The following GRM5 variants were observed in gnomAD, a reference collection of about 807,000 sequenced individuals.
GRM5 encodes metabotropic glutamate receptor 5.
A neutral mutation model predicts 83.1 loss-of-function variants in GRM5; 19 were observed. The ratio of observed to expected loss-of-function variants is 0.23; its 90% CI spans 0.16 to 0.34. GRM5 has a LOEUF of 0.34. GRM5 is among the 10% of genes least tolerant of loss of function. The pLI, the probability that GRM5 is intolerant of heterozygous loss-of-function variation, is 1.00. For missense variants in GRM5, 1,160 were observed against 1,588.3 expected (o/e 0.73, Z 4.58); for synonymous variants, 675 against 633.6 (o/e 1.07, Z -0.98).
At chr11:88,578,983 A>G (rs1190477571) in intron 7 of GRM5, among the ~76,000 whole-genome samples, 1 of 152,162 alleles carries the variant, frequency 6.6e-6, no homozygotes, top group Non-Finnish European at 1.5e-5. Context: ...CTAGTTTTAC[A>G]GAAAGATGAA....
chr11:88,948,395 G>A (rs966733756), intron 2 of GRM5, among the ~76,000 whole-genome samples: 1 of 152,108 alleles, frequency 6.6e-6, no homozygotes, highest in Non-Finnish European at 1.5e-5. Flanking sequence ...GCTCAAGGAT[G>A]GCATGCTGCT....
In GRM5 at chr11:89,047,952, T is replaced by C. The variant is rs200742114; in HGVS notation, c.-80A>G. ...GGTTCTGATAGCTACGAACAAGCGA[T>C]GTCCTACGTTGAGTCGCAAATCAAG... On this transcript the variant is annotated 5_prime_UTR_variant, in exon 2 of 10. Coordinates refer to ENST00000305447, the MANE Select transcript of GRM5 (RefSeq NM_001143831.3). This position sits in a 1 kb window ranked among gnomAD's most constrained non-coding sequence, Gnocchi z 5.1. The C allele has an allele frequency of 5.1e-5, 51 of 995,042 alleles. No individual in the cohort carries two copies. Among genetic ancestry groups the C allele is most frequent in the Non-Finnish European group, 7.5e-5 (49 of 656,624 alleles). The allele number at this position is 995,042 out of a possible 1,614,324, so 61.6% of individuals were successfully genotyped here.
chr11:88,812,725 A>G (rs1943608629), intron 3 of GRM5, among the ~76,000 whole-genome samples: 1 of 152,168 alleles, frequency 6.6e-6, no homozygotes, highest in African/African-American at 2.4e-5. Context: ...ATCATAAAAG[A>G]CGAAATTTCA....
chr11:88,606,625 G>A (rs1339547634), intron 4 of GRM5, among the ~76,000 whole-genome samples: 15 of 152,150 alleles, frequency 9.9e-5, no homozygotes, highest in Admixed American at 9.8e-4. Flanking sequence ...TCAGATTTCT[G>A]TTTTAGAAAA....
intron 2 of GRM5, among the ~76,000 whole-genome samples, chr11:88,885,369 A>G (rs1255702230): frequency 1.3e-5 from 2 of 150,690 alleles, no homozygotes; most frequent in African/African-American, 4.9e-5. Flanking sequence ...AAATCCTTCT[A>G]TAGAAAAATC....
chr11:89,002,318 A>T (rs372561784), intron 2 of GRM5, among the ~76,000 whole-genome samples: 9 of 152,248 alleles, frequency 5.9e-5, no homozygotes, highest in African/African-American at 1.9e-4. Context: ...GAGCTAGTGG[A>T]TATATTTAGC....
At chr11:89,032,290 C>T (rs1941280699) in intron 2 of GRM5, among the ~76,000 whole-genome samples, 1 of 151,806 alleles carries the variant, frequency 6.6e-6, no homozygotes, top group African/African-American at 2.4e-5. Context: ...GATCTATGTC[C>T]TTAAACACAG....
chr11:89,049,423 G>T (rs2135153859), intron 1 of GRM5, among the ~76,000 whole-genome samples: 1 of 152,270 alleles, frequency 6.6e-6, no homozygotes, highest in Non-Finnish European at 1.5e-5. Context: ...GCCAGCCAAG[G>T]ATCTCAAATT....
At chr11:88,593,973 T>C (rs1225232698) in intron 6 of GRM5, among the ~76,000 whole-genome samples, 1 of 151,812 alleles carries the variant, frequency 6.6e-6, no homozygotes, top group Admixed American at 6.6e-5. Context: ...TTTTTGTATT[T>C]TTAGTAGAGA....
At chr11:88,964,946 C>T (rs910999138) in intron 2 of GRM5, among the ~76,000 whole-genome samples, 1 of 152,014 alleles carries the variant, frequency 6.6e-6, no homozygotes, top group Non-Finnish European at 1.5e-5. Flanking sequence ...TAAAAAGTTG[C>T]TAAGTTAACT....
intron 9 of GRM5, among the ~76,000 whole-genome samples, chr11:88,518,969 T>G (rs149956173): frequency 9.1e-4 from 136 of 149,204 alleles, no homozygotes; most frequent in African/African-American, 3.2e-3. Context: ...AACCATACAT[T>G]TTTGTTTTGT....
At chr11:88,630,357 T>C (rs549133774) in intron 4 of GRM5, among the ~76,000 whole-genome samples, 2 of 152,304 alleles carry the variant, frequency 1.3e-5, no homozygotes, top group African/African-American at 2.4e-5. Context: ...ATAGTAGTTA[T>C]TCAATAAGTA....
chr11:88,716,255 A>AAAAGT (rs1307115194), intron 3 of GRM5, among the ~76,000 whole-genome samples: 2 of 151,928 alleles, frequency 1.3e-5, no homozygotes, highest in African/African-American at 2.4e-5. Context: ...AGGGGTAGTG[A>AAAAGT]AAAGTACAAA....
chr11:88,719,017 C>G (rs961571760), intron 3 of GRM5, among the ~76,000 whole-genome samples: 7 of 151,708 alleles, frequency 4.6e-5, no homozygotes, highest in South Asian at 4.2e-4. Context: ...ACACTATTCC[C>G]CTTCCCTCTT....
chr11:88,605,063 C>A (rs143543744), intron 4 of GRM5, 99 bp from the exon 5 acceptor site: 4 of 917,230 alleles, frequency 4.4e-6, no homozygotes, highest in Non-Finnish European at 6.8e-6. Context: ...AGAGAATGCA[C>A]TGGAGCAATT....
At chr11:88,530,298 T>C (rs1475579197) in intron 8 of GRM5, among the ~76,000 whole-genome samples, 2 of 152,048 alleles carry the variant, frequency 1.3e-5, no homozygotes, top group Non-Finnish European at 2.9e-5. Flanking sequence ...TTATAAACTA[T>C]GGATTTCTAG....
At chr11:89,039,803 C>T (rs540292202) in intron 2 of GRM5, among the ~76,000 whole-genome samples, 1 of 152,204 alleles carries the variant, frequency 6.6e-6, no homozygotes, top group South Asian at 2.1e-4. Context: ...TTTGAACAGG[C>T]CCTGCTTGGT....
intron 2 of GRM5, among the ~76,000 whole-genome samples, chr11:88,928,309 G>A (rs999499335): frequency 1.1e-4 from 17 of 151,992 alleles, no homozygotes; most frequent in Non-Finnish European, 2.5e-4. Flanking sequence ...TACTTCATCT[G>A]TGGTTACTGT....
intron 7 of GRM5, among the ~76,000 whole-genome samples, chr11:88,590,244 CAT>C (rs1937614540): frequency 6.6e-6 from 1 of 152,130 alleles, no homozygotes; most frequent in Non-Finnish European, 1.5e-5. Context: ...TATGTCATGA[CAT>C]ATTTTTCTCA....
Sources: gnomAD v4.1 joint callset for allele counts (sites outside exome capture counted in the v4.1 genomes callset) on GRCh38, gnomAD v4.1.1 for gene constraint, Gnocchi (gnomAD v3.1) non-coding constraint, MANE v1.5 for transcripts, NCBI Gene and HGNC (gene_info 2026-07-23, HGNC 2026-07-21) for gene names.